Variants in PHLPP1 observed in about 807,000 individuals in gnomAD.
The protein encoded by PHLPP1 is PH domain and leucine rich repeat protein phosphatase 1.
Under a neutral mutation model 117.2 loss-of-function variants are expected in PHLPP1, and 42 were observed. The ratio of observed to expected loss-of-function variants is 0.36; its 90% CI spans 0.28 to 0.46. The LOEUF is 0.46. Ranked by LOEUF, PHLPP1 falls within the 20% of genes least tolerant of loss-of-function variation. PHLPP1 has a pLI of 1.00. For missense variants in PHLPP1, 2,084 were observed against 2,241.9 expected, an observed-to-expected ratio of 0.93 and a Z score of 1.42; for synonymous variants, 1,042 against 970.7, an observed-to-expected ratio of 1.07 and a Z score of -1.37.
chr18:62,823,916 G>A (rs1245238202), intron 1 of PHLPP1, among the ~76,000 whole-genome samples: 1 of 152,166 alleles, frequency 6.6e-6, no homozygotes, highest in Non-Finnish European at 1.5e-5. Flanking sequence ...TGGACCATCT[G>A]AGGTGGGCAG....
At chr18:62,830,577 A>G (rs1186402652) in intron 2 of PHLPP1, among the ~76,000 whole-genome samples, 1 of 152,194 alleles carries the variant, frequency 6.6e-6, no homozygotes, top group Non-Finnish European at 1.5e-5. Flanking sequence ...TCCCACCATC[A>G]GTAAGGACCT....
At chr18:62,914,408 A>G (rs373397967) in intron 8 of PHLPP1, among the ~76,000 whole-genome samples, 2 of 152,152 alleles carry the variant, frequency 1.3e-5, no homozygotes, top group South Asian at 4.1e-4. Context: ...GATACAGACT[A>G]TGTAACTATG....
chr18:62,896,371 A>G (rs1263362803), intron 6 of PHLPP1, among the ~76,000 whole-genome samples: 2 of 148,996 alleles, frequency 1.3e-5, no homozygotes, highest in Non-Finnish European at 3.0e-5. Flanking sequence ...GGCTTACTGC[A>G]AGCTCCGCCT....
intron 1 of PHLPP1, among the ~76,000 whole-genome samples, chr18:62,750,285 GATAC>G (rs975057841): frequency 1.3e-5 from 2 of 152,156 alleles, no homozygotes; most frequent in African/African-American, 2.4e-5. Flanking sequence ...GTTCACTGGA[GATAC>G]ATACAGAAGT....
intron 8 of PHLPP1, among the ~76,000 whole-genome samples, chr18:62,914,401 A>G (rs1917044294): frequency 6.6e-6 from 1 of 152,176 alleles, no homozygotes; most frequent in East Asian, 1.9e-4. Flanking sequence ...TAGAGATGAT[A>G]CAGACTATGT....
chr18:62,914,306 A>T (rs1052543060), intron 8 of PHLPP1, among the ~76,000 whole-genome samples: 1 of 152,240 alleles, frequency 6.6e-6, no homozygotes, highest in Non-Finnish European at 1.5e-5. Flanking sequence ...TATGTTCAAT[A>T]TAACACATAT....
intron 12 of PHLPP1, among the ~76,000 whole-genome samples, chr18:62,946,380 C>T (rs1048830915): frequency 6.6e-5 from 10 of 152,118 alleles, no homozygotes; most frequent in Admixed American, 3.3e-4. Flanking sequence ...ATTCGCTCGC[C>T]GCAGCCTCCC....
chr18:62,955,555 A>G (rs2048998230), intron 12 of PHLPP1, among the ~76,000 whole-genome samples: 1 of 152,186 alleles, frequency 6.6e-6, no homozygotes. Flanking sequence ...ACTCTGTCAC[A>G]GGAGCCTTGG....
chr18:62,727,008 ACCTG>A (rs1911093135), intron 1 of PHLPP1, among the ~76,000 whole-genome samples: 1 of 151,264 alleles, frequency 6.6e-6, no homozygotes. Flanking sequence ...TAGGTGGATC[ACCTG>A]AGGCCAGGAA....
chr18:62,948,090 T>G (rs1216794341), intron 12 of PHLPP1, among the ~76,000 whole-genome samples: 1 of 152,112 alleles, frequency 6.6e-6, no homozygotes, highest in Non-Finnish European at 1.5e-5. Context: ...CTTGGGAGAC[T>G]GAGGCAGGTG....
chr18:62,863,969 C>T (rs1915700255), intron 4 of PHLPP1, among the ~76,000 whole-genome samples: 1 of 136,370 alleles, frequency 7.3e-6, no homozygotes, highest in African/African-American at 2.7e-5. Flanking sequence ...GACATATTTC[C>T]CCCTTCCCTT....
intron 4 of PHLPP1, among the ~76,000 whole-genome samples, chr18:62,874,551 A>C (rs1915989065): frequency 6.6e-6 from 1 of 152,186 alleles, no homozygotes; most frequent in South Asian, 2.1e-4. Flanking sequence ...AAGTTTTTCC[A>C]GTTCAGGTTG....
At chr18:62,865,557 A>G (rs1441832698) in intron 4 of PHLPP1, among the ~76,000 whole-genome samples, 2 of 152,218 alleles carry the variant, frequency 1.3e-5, no homozygotes, top group African/African-American at 4.8e-5. Flanking sequence ...TAGAACATCA[A>G]AGGCTTTCTA....
At chr18:62,938,659 C>A (rs1910041243) in intron 10 of PHLPP1, among the ~76,000 whole-genome samples, 1 of 152,158 alleles carries the variant, frequency 6.6e-6, no homozygotes, top group Non-Finnish European at 1.5e-5. Flanking sequence ...AGTTTCATTT[C>A]TTGGAGGTGG....
chr18:62,746,373 T>C (rs189785350), intron 1 of PHLPP1, among the ~76,000 whole-genome samples: 336 of 152,308 alleles, frequency 2.2e-3, no homozygotes, highest in African/African-American at 7.9e-3. Flanking sequence ...TGAATTTTCC[T>C]CAAATGTTAG....
intron 1 of PHLPP1, among the ~76,000 whole-genome samples, chr18:62,773,375 A>G (rs1041349893): frequency 1.3e-5 from 2 of 152,184 alleles, no homozygotes; most frequent in Non-Finnish European, 2.9e-5. Flanking sequence ...TTTGTACTTC[A>G]TGATTTTTTT....
Position 62,838,762 on chromosome 18 carries a change from TTC to T in PHLPP1, c.1774-16_1774-15del, listed in dbSNP as rs10561006. 215,540 of 1,611,740 alleles carry T rather than the reference TTC, an allele frequency of 0.13. 18,296 individuals carry two copies. Among genetic ancestry groups the T allele is most frequent in the African/African-American group, 0.41 (30,899 of 74,846 alleles). ...GTTCTGCTGTCTGACTTGTTTCTGC[TTC>T]TCTCTGTTTGCTTTTATAGGTAGAA... On this transcript the variant is annotated intron_variant, in intron 2 of 16. Transcript: ENST00000262719.
chr18:62,877,835 T>C (rs906465623), intron 4 of PHLPP1, among the ~76,000 whole-genome samples: 1 of 152,240 alleles, frequency 6.6e-6, no homozygotes, highest in Non-Finnish European at 1.5e-5. Context: ...ACCTAATTTA[T>C]GGCAATGATG....
chr18:62,921,009 T>C (rs988277855), intron 10 of PHLPP1, among the ~76,000 whole-genome samples: 4 of 152,176 alleles, frequency 2.6e-5, no homozygotes, highest in African/African-American at 9.7e-5. Flanking sequence ...GAGGGAGAGG[T>C]TAATTTCAAC....
Sources: gnomAD v4.1 joint callset for allele counts (sites outside exome capture counted in the v4.1 genomes callset) on GRCh38, gnomAD v4.1.1 for gene constraint, MANE v1.5 for transcripts, NCBI Gene and HGNC (gene_info 2026-07-23, HGNC 2026-07-21) for gene names.